The following ABCA6 variants were observed in gnomAD, a reference collection of about 807,000 sequenced individuals.
ABCA6 encodes the protein ATP binding cassette subfamily A member 6.
In ABCA6, 164 loss-of-function variants were observed where a neutral mutation model predicts 191.2. The ratio of observed to expected loss-of-function variants is 0.86; its 90% CI spans 0.76 to 0.98. The LOEUF is 0.98. ABCA6 is among the 50% of genes least tolerant of loss of function. The pLI is 0.00. For missense variants in ABCA6, 1,958 were observed against 1,894.1 expected (o/e 1.03, Z -0.63); for synonymous variants, 636 against 647.7 (o/e 0.98, Z 0.27).
intron 37 of ABCA6, among the ~76,000 whole-genome samples, chr17:69,080,836 A>T (rs1041443950): frequency 6.6e-6 from 1 of 152,170 alleles, no homozygotes; most frequent in Non-Finnish European, 1.5e-5. Context: ...ACAGTTAAGC[A>T]TGTGTGTTTC....
chr17:69,125,778 C>T (rs1302965722), intron 8 of ABCA6, among the ~76,000 whole-genome samples: 1 of 151,958 alleles, frequency 6.6e-6, no homozygotes, highest in African/African-American at 2.4e-5. Flanking sequence ...AAAATTGAGT[C>T]AACATTTGAA....
Position 69,106,171 on chromosome 17 carries a change from G to A in ABCA6, c.2430C>T (p.Leu810=), listed in dbSNP as rs777456776. 6.2e-7 allele frequency: 1 copy of A among 1,613,428 alleles called. No individual in the cohort carries two copies. The highest frequency in any genetic ancestry group is 8.5e-7 in the Non-Finnish European group (1 of 1,179,678). Residue 810 remains leucine, a synonymous_variant, in exon 19 of 39, where the codon CTC becomes CTT. Transcript: ENST00000284425. The part of the protein sequence containing the change: ...QVEMIRDSES[L]NEMELAHSSF... The stretch of plus-strand genomic sequence containing the variant: ...AAGAGTGAGCCAGCTCCATTTCATT[G>A]AGGCTTTCTGAGTCTCTTATCATCT...
chr17:69,118,147 G>A (rs977858577), intron 10 of ABCA6, among the ~76,000 whole-genome samples, 191 bp from the exon 11 acceptor site: 1 of 152,062 alleles, frequency 6.6e-6, no homozygotes, highest in Non-Finnish European at 1.5e-5. Context: ...GAAAATAGAG[G>A]AGTCTCTCTC....
Position 69,105,500 on chromosome 17 carries a change from T to G in ABCA6, c.2702A>C (p.Gln901Pro). 6.2e-7 allele frequency: 1 copy of G among 1,611,464 alleles called. No homozygotes were observed. The highest frequency in any genetic ancestry group is 8.5e-7 in the Non-Finnish European group (1 of 1,179,554). The change falls in exon 20 of 39, where the codon CAG becomes CCG. Residue 901 changes from glutamine to proline, a missense_variant. By Grantham distance (76) the Gln-to-Pro change is moderately conservative. Coordinates refer to ENST00000284425, the MANE Select transcript of ABCA6 (RefSeq NM_080284.3). ...LYFLSPGQLP[Q>P]EPRTSLLIIN... ...GATCAACAGGCTGGTACGGGGTTCC[T>G]GGGGAAGTTGTCCAGGAGAGAGAAA...
chr17:69,120,753 A>G (rs891874448), intron 10 of ABCA6, among the ~76,000 whole-genome samples: 1 of 152,080 alleles, frequency 6.6e-6, no homozygotes, highest in African/African-American at 2.4e-5. Context: ...AGTCATTTAC[A>G]TTTGAGGCAG....
At chr17:69,084,915 T>G in intron 32 of ABCA6, 113 bp downstream of exon 32, 1 of 1,329,780 alleles carries the variant, frequency 7.5e-7, no homozygotes, top group South Asian at 1.7e-5. Flanking sequence ...CCACTGACAC[T>G]CTGGAAAGGT....
intron 17 of ABCA6, chr17:69,110,218 T>TG (rs1224185569): frequency 6.6e-6 from 1 of 152,234 alleles, no homozygotes; most frequent in Non-Finnish European, 1.5e-5. Flanking sequence ...TTGTGAATAA[T>TG]GGGGGGCTAC....
chr17:69,098,043 G>A lies in ABCA6; in HGVS notation c.3013-16C>T. On this transcript the variant is annotated splice_polypyrimidine_tract_variant and intron_variant, in intron 22 of 38. Transcript: ENST00000284425. ...CTATGTGGCTCTGAAAATATAAAGG[G>A]TAGCTTAAACTAGTGAATATTTGTT... The A allele has an allele frequency of 6.5e-7, 1 of 1,539,844 alleles. No individual in the cohort carries two copies. The highest frequency in any genetic ancestry group is 8.8e-7 in the Non-Finnish European group (1 of 1,140,996).
chr17:69,098,357 A>C (rs2073096277), intron 22 of ABCA6: 2 of 220,428 alleles, frequency 9.1e-6, no homozygotes. Flanking sequence ...GATTAACAAA[A>C]TGTGTATGTA....
chr17:69,096,597 T>G, intron 24 of ABCA6, 31 bp downstream of exon 24: 1 of 1,381,934 alleles, frequency 7.2e-7, no homozygotes, highest in Non-Finnish European at 9.6e-7. Context: ...AATTACTTTA[T>G]GAAATTTGGT....
intron 4 of ABCA6, among the ~76,000 whole-genome samples, 157 bp from the exon 5 acceptor site, chr17:69,134,899 T>TTTTTTTTTTTTTG: frequency 6.8e-6 from 1 of 147,996 alleles, no homozygotes. Flanking sequence ...TTTTTTTTTT[T>TTTTTTTTTTTTTG]GGAGATGAAG....
At chr17:69,082,066 CTCTT>C (rs1388497506) in intron 36 of ABCA6, among the ~76,000 whole-genome samples, 2 of 152,208 alleles carry the variant, frequency 1.3e-5, no homozygotes, top group African/African-American at 2.4e-5. Flanking sequence ...CCAGCCACTG[CTCTT>C]TCTGTTTTAT....
chr17:69,105,899 A>T (rs2073291111), intron 19 of ABCA6, 129 bp downstream of exon 19: 1 of 1,054,964 alleles, frequency 9.5e-7, no homozygotes. Context: ...TGTCAGAAAA[A>T]TTAAATGCTG....
chr17:69,096,603 T>C (rs1165986113), intron 24 of ABCA6, 25 bp downstream of exon 24: 6 of 1,404,792 alleles, frequency 4.3e-6, no homozygotes, highest in Admixed American at 2.7e-5. Context: ...TTTATGAAAT[T>C]TGGTTTATGT....
Position 69,114,803 on chromosome 17 carries a change from CA to C in ABCA6, c.1740del (p.Phe580LeufsTer4), listed in dbSNP as rs753829902. 6.2e-7 allele frequency: 1 copy of C among 1,612,232 alleles called. No homozygotes were observed. The highest frequency in any genetic ancestry group is 1.7e-5 in the Admixed American group (1 of 59,772). ...TTTAGATGAATCCCTTTTATTTTAGCAAACAGGCTGAGGTTTTCCTTCACGG... is the reference window on the plus strand; with the variant it reads ...TTTAGATGAATCCCTTTTATTTTAGCAACAGGCTGAGGTTTTCCTTCACGG... ...ILTVKENLSL[F>X]AKIKGIHLKE... On this transcript the variant is annotated frameshift_variant, in exon 13 of 39. Transcript: ENST00000284425. LOFTEE classifies it high-confidence loss of function.
intron 31 of ABCA6, 60 bp downstream of exon 31, chr17:69,085,565 A>T: frequency 1.8e-6 from 2 of 1,089,814 alleles, no homozygotes; most frequent in Non-Finnish European, 2.7e-6. Context: ...TCTTACAAAG[A>T]TATAATCTAT....
chr17:69,137,158 A>T, intron 3 of ABCA6, 138 bp downstream of exon 3: 1 of 822,378 alleles, frequency 1.2e-6, no homozygotes, highest in Non-Finnish European at 1.9e-6. Context: ...GCAATAATCT[A>T]ACCAGATTTG....
intron 2 of ABCA6, among the ~76,000 whole-genome samples, chr17:69,138,167 C>T (rs1446014579): frequency 6.6e-6 from 1 of 152,124 alleles, no homozygotes; most frequent in Non-Finnish European, 1.5e-5. Context: ...ATAGGATCCT[C>T]TAGAGGTCTT....
intron 20 of ABCA6, chr17:69,104,615 T>A (rs1169291479): frequency 7.5e-5 from 9 of 119,588 alleles, no homozygotes; most frequent in Non-Finnish European, 1.6e-4. Context: ...TCTGAGGTAC[T>A]AACATAAAAG....
Sources: allele counts gnomAD v4.1 joint callset (sites outside exome capture counted in the v4.1 genomes callset), GRCh38; gene constraint gnomAD v4.1.1; transcripts MANE v1.5; gene names NCBI Gene and HGNC (gene_info 2026-07-23, HGNC 2026-07-21).